The following ZNF138 variants were observed in gnomAD, a reference collection of about 807,000 sequenced individuals.
The protein encoded by ZNF138 is zinc finger protein 138 (clone pHZ-32).
In ZNF138, 33 loss-of-function variants were observed where a neutral mutation model predicts 33.0. The observed-to-expected ratio is 1.00, with a 90% CI of 0.76 to 1.34. The LOEUF is 1.34. Ranked by LOEUF, ZNF138 falls within the 40% of genes most tolerant of loss-of-function variation. The pLI is 0.00. For missense variants in ZNF138, 360 were observed against 370.8 expected, an observed-to-expected ratio of 0.97 and a Z score of 0.24; for synonymous variants, 139 against 120.4, an observed-to-expected ratio of 1.15 and a Z score of -1.01.
chr7:64,852,627 C>T, the ZNF138 span: 26 of 1,463,888 alleles, frequency 1.8e-5, no homozygotes, highest in African/African-American at 3.1e-4. Flanking sequence ...TTGAGCCTCG[C>T]CATGTTCATC....
At chr7:64,828,147 G>A (rs182277058) in intron 3 of ZNF138, among the ~76,000 whole-genome samples, 10 of 150,242 alleles carry the variant, frequency 6.7e-5, no homozygotes, top group Admixed American at 5.3e-4. Flanking sequence ...AAAACTTTTG[G>A]ATTTGAAGAT....
intron 3 of ZNF138, among the ~76,000 whole-genome samples, chr7:64,826,209 GT>G (rs879703715): frequency 2.8e-4 from 42 of 151,902 alleles, no homozygotes; most frequent in Non-Finnish European, 5.3e-4. Context: ...GTTTCCTGTA[GT>G]TTTTTTTCTG....
At chr7:64,798,319 G>A (rs1786859409) in intron 1 of ZNF138, among the ~76,000 whole-genome samples, 1 of 152,224 alleles carries the variant, frequency 6.6e-6, no homozygotes, top group Admixed American at 6.5e-5. Context: ...GGGGTTGTAT[G>A]TTGGCTCAGA....
the ZNF138 span, among the ~76,000 whole-genome samples, chr7:64,843,777 C>G: frequency 6.6e-6 from 1 of 152,054 alleles, no homozygotes; most frequent in South Asian, 2.1e-4. Flanking sequence ...ACTAATCTGA[C>G]TTACCTATTT....
At chr7:64,855,104 C>T in the ZNF138 span, among the ~76,000 whole-genome samples, 2 of 152,110 alleles carry the variant, frequency 1.3e-5, no homozygotes, top group African/African-American at 4.8e-5. Context: ...CTTATAGGTG[C>T]GTGTGGACAT....
At chr7:64,800,982 G>T (rs1214630118) in intron 1 of ZNF138, among the ~76,000 whole-genome samples, 1 of 152,154 alleles carries the variant, frequency 6.6e-6, no homozygotes, top group Admixed American at 6.5e-5. Flanking sequence ...AGTGTTCATA[G>T]TAGACTTCAA....
intron 3 of ZNF138, among the ~76,000 whole-genome samples, chr7:64,816,593 T>A (rs1440953244): frequency 6.6e-6 from 1 of 152,196 alleles, no homozygotes; most frequent in Non-Finnish European, 1.5e-5. Flanking sequence ...TTAATGTACT[T>A]TTTGTTTTTT....
chr7:64,847,439 G>A, the ZNF138 span, among the ~76,000 whole-genome samples: 6 of 149,192 alleles, frequency 4.0e-5, no homozygotes, highest in Non-Finnish European at 7.4e-5. Flanking sequence ...TTGTTGACTT[G>A]CTGTCAGTGG....
At chr7:64,849,564 G>A in the ZNF138 span, among the ~76,000 whole-genome samples, 1 of 152,062 alleles carries the variant, frequency 6.6e-6, no homozygotes, top group South Asian at 2.1e-4. Flanking sequence ...GATCATGTGG[G>A]GACATGGGTA....
At chr7:64,803,276 T>TTTTTTC (rs397716187) in intron 1 of ZNF138, among the ~76,000 whole-genome samples, 1 of 146,844 alleles carries the variant, frequency 6.8e-6, no homozygotes, top group South Asian at 2.1e-4. Context: ...TTTTTTTTTT[T>TTTTTTC]CATTTAATCT....
downstream of ZNF138, among the ~76,000 whole-genome samples, chr7:64,838,448 C>T (rs1749063807): frequency 6.6e-6 from 1 of 152,120 alleles, no homozygotes; most frequent in African/African-American, 2.4e-5. Context: ...AAGCAGGTGC[C>T]AGACGGGGCC....
At chr7:64,830,142 A>T (rs148920921) in intron 3 of ZNF138, among the ~76,000 whole-genome samples, 352 of 152,340 alleles carry the variant, frequency 2.3e-3, no homozygotes, top group African/African-American at 7.9e-3. Flanking sequence ...TTATCTCATA[A>T]GATTATGCTT....
At chr7:64,813,435 G>GTTTTTTT (rs1562902433) in intron 1 of ZNF138, among the ~76,000 whole-genome samples, 1 of 130,284 alleles carries the variant, frequency 7.7e-6, no homozygotes. Flanking sequence ...GCATAAAAAT[G>GTTTTTTT]ATTTTTTTTT....
chr7:64,827,679 A>G (rs1026570072), intron 3 of ZNF138, among the ~76,000 whole-genome samples: 4 of 151,950 alleles, frequency 2.6e-5, no homozygotes, highest in African/African-American at 9.7e-5. Flanking sequence ...AAGTTTTCAG[A>G]CATTTTTGTC....
At chr7:64,834,354 C>CT (rs1333266999), downstream of ZNF138, among the ~76,000 whole-genome samples, 1 of 152,042 alleles carries the variant, frequency 6.6e-6, no homozygotes. Flanking sequence ...GTAAAAATAT[C>CT]TAAGGCACTG....
chr7:64,844,358 G>A, the ZNF138 span, among the ~76,000 whole-genome samples: 1 of 152,152 alleles, frequency 6.6e-6, no homozygotes, highest in African/African-American at 2.4e-5. Context: ...GTGCCCAGAA[G>A]AATAGAGTCT....
In ZNF138 at chr7:64,794,560, A is replaced by C. The variant is rs959561184; in HGVS notation, c.-9A>C. The C allele has an allele frequency of 1.2e-6, 2 of 1,613,572 alleles. No homozygotes were observed. The highest frequency in any genetic ancestry group is 4.5e-5 in the East Asian group (2 of 44,860). On this transcript the variant is annotated 5_prime_UTR_variant, in exon 1 of 4. Transcript: ENST00000307355. ...AGCTAAGACGCCAGGATCCCCCGGA[A>C]GCCTAGAAATGGTGAGAGTGCTGGG...
chr7:64,844,495 A>G, the ZNF138 span, among the ~76,000 whole-genome samples: 1 of 152,062 alleles, frequency 6.6e-6, no homozygotes, highest in Non-Finnish European at 1.5e-5. Context: ...GATCTCTGAA[A>G]GGCTATGTGA....
At chr7:64,800,270 C>T (rs1787037487) in intron 1 of ZNF138, among the ~76,000 whole-genome samples, 1 of 152,118 alleles carries the variant, frequency 6.6e-6, no homozygotes, top group Admixed American at 6.5e-5. Flanking sequence ...TTGTCTTGTG[C>T]CAGTTTTCAT....
Sources: allele counts gnomAD v4.1 joint callset (sites outside exome capture counted in the v4.1 genomes callset), GRCh38; gene constraint gnomAD v4.1.1; transcripts MANE v1.5; gene names NCBI Gene and HGNC (gene_info 2026-07-23, HGNC 2026-07-21).